SSBP4: variants seen among roughly 807,000 people sequenced by gnomAD.
SSBP4 encodes the protein single stranded DNA binding protein 4, also known as single-stranded DNA-binding protein 4.
Under a neutral mutation model 64.6 loss-of-function variants are expected in SSBP4, and 33 were observed. The observed-to-expected ratio is 0.51, with a 90% CI of 0.39 to 0.68. The LOEUF (loss-of-function observed/expected upper bound fraction) is 0.68, where lower values mean the gene tolerates loss of function less well. Ranked by LOEUF, SSBP4 falls within the 30% of genes least tolerant of loss-of-function variation. The probability of loss-of-function intolerance (pLI) is 0.00; values close to 1 mark genes in which losing one functional copy is unlikely to be tolerated. For missense variants in SSBP4, 583 were observed against 566.8 expected (o/e 1.03, Z -0.29); for synonymous variants, 243 against 224.0 (o/e 1.08, Z -0.76).
intron 15 of SSBP4, 69 bp downstream of exon 15, chr19:18,433,282 T>C (rs1973624600): frequency 1.3e-6 from 2 of 1,513,200 alleles, no homozygotes; most frequent in Non-Finnish European, 8.9e-7. Flanking sequence ...TGCTTCCCCC[T>C]GCCGTCAGCC....
intron 1 of SSBP4, among the ~76,000 whole-genome samples, chr19:18,419,936 C>T (rs1293230962): frequency 1.0e-4 from 15 of 144,364 alleles, no homozygotes. Flanking sequence ...GCGGGCGACC[C>T]GAGGGGCGCT....
chr19:18,410,474 A>C, the SSBP4 span, among the ~76,000 whole-genome samples: 1 of 152,112 alleles, frequency 6.6e-6, no homozygotes. Context: ...GCCTCTCTAG[A>C]AAAAAATATG....
the SSBP4 span, among the ~76,000 whole-genome samples, chr19:18,404,540 G>A: frequency 6.7e-6 from 1 of 148,476 alleles, no homozygotes; most frequent in Non-Finnish European, 1.5e-5. Context: ...GTTGTAGTGA[G>A]CTGAGATTGT....
At position 18,434,315 on chromosome 19, in the gene SSBP4, G is replaced by C. The variant is rs1555726282; in HGVS notation, c.*69G>C. 2 of 1,581,710 alleles carry C rather than the reference G, an allele frequency of 1.3e-6. No individual in the cohort carries two copies. The highest frequency in any genetic ancestry group is 1.7e-6 in the Non-Finnish European group (2 of 1,164,612). On this transcript the variant is annotated 3_prime_UTR_variant, in exon 18 of 18. Coordinates refer to ENST00000270061, the MANE Select transcript of SSBP4 (RefSeq NM_032627.5). ...CCAGCGCCCCTGCTCAGGGCGAGGG[G>C]CTGAGGTCACACCTCGGGCACCTGG...
chr19:18,419,103 G>A (rs748414388), upstream of SSBP4: 23 of 985,506 alleles, frequency 2.3e-5, no homozygotes, highest in Non-Finnish European at 2.8e-5. Context: ...CGCTGCGAAT[G>A]TGTGTGGCTG....
intron 10 of SSBP4, 63 bp downstream of exon 10, chr19:18,432,277 G>A (rs983576449): frequency 1.9e-6 from 3 of 1,582,724 alleles, no homozygotes; most frequent in East Asian, 2.3e-5. Context: ...TCATGGCTGG[G>A]TCAGCTGGGG....
chr19:18,419,309 C>G (rs2144663521), upstream of SSBP4: 2 of 1,005,186 alleles, frequency 2.0e-6, no homozygotes, highest in East Asian at 2.1e-4. Flanking sequence ...CCCACCCGCG[C>G]GCCCGCCATC....
Position 18,427,981 on chromosome 19 carries a change from A to G in SSBP4, c.278A>G (p.Tyr93Cys), listed in dbSNP as rs970869239. Residue 93 changes from tyrosine (Y) to cysteine (C), a missense_variant and splice_region_variant, in exon 4 of 18, where the codon TAT becomes TGT. Around this residue, in one of 5 missense-constraint regions of SSBP4, gnomAD observed 444 missense variants for 386.6 expected, o/e 1.15. Coordinates refer to ENST00000270061, the MANE Select transcript of SSBP4 (RefSeq NM_032627.5). This position sits in a 1 kb window ranked among gnomAD's most constrained non-coding sequence, Gnocchi z 4.4. ...HSGEAKAFQD[Y>C]SAAAAPSPVM... ...GGCGAGGCCAAGGCCTTCCAGGACT[A>G]TGTGAGTCCTGGCCCCAGGGACTCA... 7.0e-7 allele frequency: 1 copy of G among 1,419,342 alleles called. No individual in the cohort carries two copies. The highest frequency in any genetic ancestry group is 9.4e-7 in the Non-Finnish European group (1 of 1,059,656). 87.9% of individuals were successfully genotyped at this position (1,419,342 alleles called of 1,614,324 possible).
intron 1 of SSBP4, among the ~76,000 whole-genome samples, chr19:18,420,390 C>G (rs1001591150): frequency 6.6e-6 from 1 of 151,996 alleles, no homozygotes; most frequent in Non-Finnish European, 1.5e-5. Context: ...ACCAGGCGCT[C>G]TGAAGCTGGT....
chr19:18,431,834 C>G lies in SSBP4; in HGVS notation c.537C>G (p.Gly179=). ...CTGGCTCCCAGCCCCTCCTCCCTGG[C>G]GCCATGGAGCCCTCCCCACGAGCCC... ...GLPGSQPLLP[G]AMEPSPRAQG... Residue 179 remains glycine, a synonymous_variant, in exon 8 of 18, where the codon GGC becomes GGG. Coordinates refer to ENST00000270061, the MANE Select transcript of SSBP4 (RefSeq NM_032627.5). 6.4e-7 allele frequency: 1 copy of G among 1,570,022 alleles called. No individual in the cohort carries two copies. The highest frequency in any genetic ancestry group is 8.6e-7 in the Non-Finnish European group (1 of 1,156,740).
At position 18,419,679 on chromosome 19, in the gene SSBP4, G is replaced by C; in HGVS notation, c.31G>C (p.Val11Leu). Residue 11 changes from valine (V) to leucine (L), a missense_variant, in exon 1 of 18, where the codon GTG becomes CTG. Val to Leu is a conservative substitution (Grantham distance 32). Transcript: ENST00000270061. ...CGCCAAGGGGGGCAAGGGTTCGGCC[G>C]TGCCCTCCGACAGCCAGGCCCGCGA... MYAKGGKGSA[V>L]PSDSQAREKL... 8.3e-7 allele frequency: 1 copy of C among 1,201,794 alleles called. No individual in the cohort carries two copies. The highest frequency in any genetic ancestry group is 1.0e-6 in the Non-Finnish European group (1 of 964,694). 74.4% of individuals were successfully genotyped at this position (1,201,794 alleles called of 1,614,324 possible). A position where few individuals can be genotyped will look rare whatever the true frequency, so the allele number is the denominator to read the frequency against.
chr19:18,419,795 C>T (rs1390743987), intron 1 of SSBP4, 88 bp downstream of exon 1: 2 of 992,612 alleles, frequency 2.0e-6, no homozygotes, highest in Non-Finnish European at 1.2e-6. Context: ...CACGTGGGCG[C>T]GGGCGGCGGG....
chr19:18,414,891 A>T (rs7258891), upstream of SSBP4, among the ~76,000 whole-genome samples: 44,376 of 151,950 alleles, frequency 0.29, 7,731 homozygotes, highest in African/African-American at 0.49. Flanking sequence ...CTAGGTTCAA[A>T]CCCAGGCCCA....
chr19:18,430,914 C>T lies in SSBP4; in HGVS notation c.353C>T (p.Ala118Val), dbSNP rs535525251. 1.8e-4 allele frequency: 285 copies of T among 1,612,534 alleles called. No homozygotes were observed. Among genetic ancestry groups the T allele is most frequent in the Non-Finnish European group, 2.3e-4 (272 of 1,179,884 alleles). Reference sequence around the variant, plus strand: ...GACACAATGGCCGCAGGCTCCATGGCGGCTGGCTTCTTCCAGGTATGGCCC... The same window carrying T: ...GACACAATGGCCGCAGGCTCCATGGTGGCTGGCTTCTTCCAGGTATGGCCC... ...PGDTMAAGSM[A>V]AGFFQGPPGS... Residue 118 changes from alanine (A) to valine (V), a missense_variant, in exon 5 of 18, where the codon GCG becomes GTG. By Grantham distance (64) the Ala-to-Val change is moderately conservative. Transcript: ENST00000270061.
intron 10 of SSBP4, 64 bp downstream of exon 10, chr19:18,432,278 T>A (rs1010590850): frequency 2.2e-5 from 34 of 1,581,038 alleles, no homozygotes; most frequent in African/African-American, 2.7e-5. Context: ...CATGGCTGGG[T>A]CAGCTGGGGC....
chr19:18,431,552 G>A (rs1973382140), intron 6 of SSBP4, 95 bp from the exon 7 acceptor site: 3 of 1,464,756 alleles, frequency 2.0e-6, no homozygotes, highest in South Asian at 2.6e-5. Context: ...GGAGGAGGGG[G>A]CTCCCCAGGT....
rs1973576287 is a variant in SSBP4 at position 18,433,002 on chromosome 19, A to G, written c.871A>G (p.Thr291Ala). 1 of 1,613,994 alleles carries G rather than the reference A, an allele frequency of 6.2e-7. No individual in the cohort carries two copies. Among genetic ancestry groups the G allele is most frequent in the African/African-American group, 1.3e-5 (1 of 74,920 alleles). The change falls in exon 14 of 18, where the codon ACT becomes GCT. Residue 291 changes from threonine to alanine, a missense_variant. By Grantham distance (58) the Thr-to-Ala change is moderately conservative. Coordinates refer to ENST00000270061, the MANE Select transcript of SSBP4 (RefSeq NM_032627.5). ...DSTNSSENMY[T>A]IMNPIGQGAG... ...CACCAACTCCAGCGAAAACATGTAC[A>G]CTATCATGAACCCCATCGGGCAGGG...
Position 18,427,406 on chromosome 19 carries a change from C to G in SSBP4, c.115C>G (p.Gln39Glu). The stretch of plus-strand genomic sequence containing the variant: ...GCACATCGGTGCCCAGAAGTCAGCC[C>G]AGACCTTCCTGTCTGAGGTAAGCCA... The part of the protein sequence containing the change: ...LLHIGAQKSA[Q>E]TFLSEIRWEK... Residue 39 changes from glutamine (Q) to glutamate (E), a missense_variant, in exon 2 of 18, where the codon CAG becomes GAG. Transcript: ENST00000270061. The surrounding 1 kb of genome is among the most constrained non-coding windows in gnomAD (Gnocchi z 4.4). 1 of 1,610,658 alleles carries G rather than the reference C, an allele frequency of 6.2e-7. No individual in the cohort carries two copies. The highest frequency in any genetic ancestry group is 8.5e-7 in the Non-Finnish European group (1 of 1,179,886).
At chr19:18,431,509 GTGCCAGCT>G in intron 6 of SSBP4, 91 bp downstream of exon 6, 1 of 1,300,104 alleles carries the variant, frequency 7.7e-7, no homozygotes. Context: ...GTCCTGGCTG[GTGCCAGCT>G]GGCCGGGCTT....
Sources: allele counts gnomAD v4.1 joint callset (sites outside exome capture counted in the v4.1 genomes callset), GRCh38; gene constraint gnomAD v4.1.1; regional missense constraint gnomAD v4.1.1; non-coding constraint Gnocchi (gnomAD v3.1); transcripts MANE v1.5; gene names NCBI Gene and HGNC (gene_info 2026-07-23, HGNC 2026-07-21).